GLT1D1: variants seen among roughly 807,000 people sequenced by gnomAD.
The protein encoded by GLT1D1 is glycosyltransferase 1 domain-containing protein 1.
In GLT1D1, 21 loss-of-function variants were observed where a neutral mutation model predicts 28.7. The observed-to-expected ratio is 0.73, with a 90% CI of 0.52 to 1.05. GLT1D1 has a LOEUF of 1.05. Among genes scored for constraint, GLT1D1 ranks in the 50% least tolerant of loss-of-function variants. The pLI, the probability that GLT1D1 is intolerant of heterozygous loss-of-function variation, is 0.00. For synonymous variants in GLT1D1, 147 were observed against 124.8 expected (o/e 1.18, Z -1.19); for missense variants, 343 against 330.6 (o/e 1.04, Z -0.29).
intron 2 of GLT1D1, among the ~76,000 whole-genome samples, chr12:128,886,759 T>C (rs1443265587): frequency 2.6e-5 from 4 of 151,826 alleles, no homozygotes; most frequent in Non-Finnish European, 5.9e-5. Context: ...GCCTCATGGG[T>C]CCTGGGAATT....
At chr12:128,980,296 A>G (rs1880198270) in intron 7 of GLT1D1, among the ~76,000 whole-genome samples, 1 of 152,186 alleles carries the variant, frequency 6.6e-6, no homozygotes, top group African/African-American at 2.4e-5. Flanking sequence ...AACTTTTGGA[A>G]GTGGAGACAG....
intron 1 of GLT1D1, 111 bp from the exon 2 acceptor site, chr12:128,875,803 C>T (rs1956854908): frequency 4.9e-6 from 5 of 1,029,576 alleles, no homozygotes; most frequent in Non-Finnish European, 7.1e-6. Flanking sequence ...TCTGTCTCAA[C>T]AACAACAACA....
At chr12:128,928,612 G>GTT (rs966874574) in intron 4 of GLT1D1, among the ~76,000 whole-genome samples, 2 of 143,920 alleles carry the variant, frequency 1.4e-5, no homozygotes. Context: ...CGTGTTTGTG[G>GTT]TTTTTTTTTT....
chr12:128,974,664 T>A (rs1030236804), intron 7 of GLT1D1, among the ~76,000 whole-genome samples: 1 of 152,244 alleles, frequency 6.6e-6, no homozygotes, highest in Non-Finnish European at 1.5e-5. Flanking sequence ...CACGGGACTA[T>A]TCATACATTT....
intron 7 of GLT1D1, among the ~76,000 whole-genome samples, chr12:128,965,220 A>G (rs1878334235): frequency 6.6e-6 from 1 of 152,260 alleles, no homozygotes; most frequent in Admixed American, 6.5e-5. Context: ...GGTCAAGGAC[A>G]GAAGAATTCA....
At chr12:128,974,114 G>A (rs1879531424) in intron 7 of GLT1D1, among the ~76,000 whole-genome samples, 1 of 152,048 alleles carries the variant, frequency 6.6e-6, no homozygotes, top group African/African-American at 2.4e-5. Flanking sequence ...GCGTGTGGAG[G>A]GGGAGAGGGC....
At chr12:128,922,996 A>T (rs1387678833) in intron 4 of GLT1D1, among the ~76,000 whole-genome samples, 1 of 151,980 alleles carries the variant, frequency 6.6e-6, no homozygotes, top group Non-Finnish European at 1.5e-5. Flanking sequence ...AAAATTGACA[A>T]TGCAGATTGT....
chr12:128,946,629 G>A (rs1269338129), intron 5 of GLT1D1, among the ~76,000 whole-genome samples: 7 of 137,388 alleles, frequency 5.1e-5, no homozygotes, highest in Admixed American at 3.1e-4. Flanking sequence ...CACTGCGCCC[G>A]GCCTCCTTTT....
At chr12:128,965,860 A>T (rs1008767227) in intron 7 of GLT1D1, among the ~76,000 whole-genome samples, 9 of 152,034 alleles carry the variant, frequency 5.9e-5, no homozygotes, top group African/African-American at 2.2e-4. Context: ...TTGCCACTGC[A>T]CTCCACCCTG....
intron 7 of GLT1D1, among the ~76,000 whole-genome samples, chr12:128,973,713 C>A (rs572005006): frequency 2.0e-5 from 3 of 152,222 alleles, no homozygotes; most frequent in South Asian, 4.2e-4. Flanking sequence ...CCACCAACCC[C>A]CAAAGCACAC....
intron 7 of GLT1D1, among the ~76,000 whole-genome samples, chr12:128,981,071 G>A (rs949355625): frequency 2.6e-5 from 4 of 152,196 alleles, no homozygotes; most frequent in African/African-American, 9.7e-5. Flanking sequence ...GAGTGACTTA[G>A]GATTCAAGAG....
chr12:128,973,404 G>A (rs1010480224), intron 7 of GLT1D1, among the ~76,000 whole-genome samples: 3 of 148,186 alleles, frequency 2.0e-5, no homozygotes, highest in African/African-American at 7.5e-5. Flanking sequence ...TGTTGGCCAG[G>A]CTGGTCTTGA....
intron 3 of GLT1D1, among the ~76,000 whole-genome samples, chr12:128,894,491 C>T (rs978160192): frequency 3.3e-5 from 5 of 152,074 alleles, no homozygotes; most frequent in African/African-American, 7.2e-5. Context: ...TTCTACCTTA[C>T]GGAAGACTTT....
At chr12:128,891,679 T>G (rs1869073689) in intron 3 of GLT1D1, among the ~76,000 whole-genome samples, 2 of 152,068 alleles carry the variant, frequency 1.3e-5, no homozygotes, top group Non-Finnish European at 2.9e-5. Flanking sequence ...GATTCCTTGT[T>G]TGGTAATGTA....
intron 6 of GLT1D1, among the ~76,000 whole-genome samples, chr12:128,956,023 A>G (rs376081977): frequency 6.6e-5 from 10 of 151,486 alleles, no homozygotes; most frequent in East Asian, 5.8e-4. Flanking sequence ...GCCGGGCGTG[A>G]TGGCGGGCGC....
At chr12:128,962,940 T>C (rs781193020) in intron 7 of GLT1D1, among the ~76,000 whole-genome samples, 4 of 152,164 alleles carry the variant, frequency 2.6e-5, no homozygotes, top group Non-Finnish European at 5.9e-5. Context: ...GATCTTGTGA[T>C]CTGCCTGCCT....
chr12:128,881,040 C>T (rs1281620351), intron 2 of GLT1D1, among the ~76,000 whole-genome samples: 1 of 150,284 alleles, frequency 6.7e-6, no homozygotes, highest in East Asian at 2.0e-4. Context: ...TTGGCTAACA[C>T]GGTGAAACCC....
intron 4 of GLT1D1, among the ~76,000 whole-genome samples, chr12:128,910,447 A>G (rs1027741645): frequency 2.0e-5 from 3 of 151,920 alleles, no homozygotes; most frequent in Non-Finnish European, 2.9e-5. Flanking sequence ...AAACACTTAT[A>G]TTAAGTTATA....
intron 4 of GLT1D1, among the ~76,000 whole-genome samples, chr12:128,908,992 G>A (rs991772567): frequency 3.3e-5 from 5 of 152,020 alleles, no homozygotes; most frequent in Non-Finnish European, 7.4e-5. Context: ...AAACACGATA[G>A]GTCCAAGCGT....
Sources: gnomAD v4.1 joint callset for allele counts (sites outside exome capture counted in the v4.1 genomes callset) on GRCh38, gnomAD v4.1.1 for gene constraint, MANE v1.5 for transcripts, NCBI Gene and HGNC (gene_info 2026-07-23, HGNC 2026-07-21) for gene names.